The following PCDHA5 variants were observed in gnomAD, a reference collection of about 807,000 sequenced individuals.
PCDHA5 encodes protocadherin alpha 5.
Under a neutral mutation model 61.6 loss-of-function variants are expected in PCDHA5, and 43 were observed. The observed-to-expected ratio is 0.70, with a 90% CI of 0.55 to 0.90. The LOEUF (loss-of-function observed/expected upper bound fraction) is 0.90, where lower values mean the gene tolerates loss of function less well. Among genes scored for constraint, PCDHA5 ranks in the 40% least tolerant of loss-of-function variants. The pLI, the probability that PCDHA5 is intolerant of heterozygous loss-of-function variation, is 0.00. For missense variants in PCDHA5, 1,298 were observed against 1,222.7 expected (o/e 1.06, Z -0.92); for synonymous variants, 627 against 543.9 (o/e 1.15, Z -2.13).
chr5:141,009,736 G>T lies in PCDHA5; in HGVS notation c.2610G>T (p.Leu870Phe). 1 of 1,614,086 alleles carries T rather than the reference G, an allele frequency of 6.2e-7. No homozygotes were observed. Among genetic ancestry groups the T allele is most frequent in the East Asian group, 2.2e-5 (1 of 44,872 alleles). Residue 870 changes from leucine to phenylalanine, a missense_variant, in exon 4 of 4, where the codon TTG becomes TTT. Leu to Phe is a conservative substitution (Grantham distance 22). Transcript: ENST00000529859. ...GNPKQSGPGE[L>F]PDKFIIPGSP... ...CCAAACAATCCGGTCCCGGTGAGTT[G>T]CCCGACAAATTCATTATCCCAGGAT...
chr5:140,966,426 C>T, intron 1 of PCDHA5: 1 of 421,820 alleles, frequency 2.4e-6, no homozygotes. Flanking sequence ...ACTTGCTGAG[C>T]CCTCCTACCG....
chr5:140,872,711 G>A (rs968537483), intron 1 of PCDHA5, among the ~76,000 whole-genome samples: 1 of 152,206 alleles, frequency 6.6e-6, no homozygotes, highest in South Asian at 2.1e-4. Context: ...AAGGAAACTA[G>A]GTAAATAAAA....
intron 1 of PCDHA5, chr5:140,856,729 G>T: frequency 1.3e-6 from 2 of 1,595,560 alleles, no homozygotes; most frequent in East Asian, 2.2e-5. Flanking sequence ...CTGTTTCTCT[G>T]CTGATCCTGG....
chr5:140,883,406 G>A, intron 1 of PCDHA5: 2 of 1,614,156 alleles, frequency 1.2e-6, no homozygotes, highest in South Asian at 2.2e-5. Context: ...TCGTGACTCT[G>A]GCTCAAATGG....
chr5:140,834,516 G>A (rs1433865569), intron 1 of PCDHA5: 5 of 1,613,992 alleles, frequency 3.1e-6, no homozygotes, highest in African/African-American at 2.7e-5. Flanking sequence ...TGGCAACTTC[G>A]TGGGCCGCAT....
At chr5:140,905,360 T>C (rs2071771480) in intron 1 of PCDHA5, among the ~76,000 whole-genome samples, 2 of 152,238 alleles carry the variant, frequency 1.3e-5, no homozygotes, top group Non-Finnish European at 2.9e-5. Context: ...TTTGACTATA[T>C]TTCTGGTTCT....
chr5:140,829,881 T>C, intron 1 of PCDHA5: 1 of 1,613,934 alleles, frequency 6.2e-7, no homozygotes, highest in Non-Finnish European at 8.5e-7. Flanking sequence ...GTGCGCGCAG[T>C]TGACGCCGAC....
In PCDHA5 at chr5:140,857,691, T is replaced by A. The variant is rs189067845; in HGVS notation, c.2352+33564T>A. ...GGCGTGCCGCCTCTGGGCAGCAACTTGACGCTGCAGGTGTTCGTGCTGGAC... is the reference window on the plus strand; with the variant it reads ...GGCGTGCCGCCTCTGGGCAGCAACTAGACGCTGCAGGTGTTCGTGCTGGAC... On this transcript the variant is annotated intron_variant, in intron 1 of 3. Coordinates refer to ENST00000529859, the MANE Select transcript of PCDHA5 (RefSeq NM_018908.3). 1.9e-6 allele frequency: 3 copies of A among 1,597,120 alleles called. 1 individual carries two copies. The highest frequency in any genetic ancestry group is 2.6e-6 in the Non-Finnish European group (3 of 1,167,726).
chr5:140,834,465 A>G, intron 1 of PCDHA5: 1 of 1,614,150 alleles, frequency 6.2e-7, no homozygotes, highest in Non-Finnish European at 8.5e-7. Context: ...GGAGGCAGGG[A>G]GAGGCCAGCT....
chr5:140,876,953 T>G (rs1455444799), intron 1 of PCDHA5: 6 of 1,613,306 alleles, frequency 3.7e-6, no homozygotes, highest in African/African-American at 1.3e-5. Flanking sequence ...TCCTACTCGC[T>G]GGTGGAGCGG....
At position 140,882,350 on chromosome 5, in the gene PCDHA5, A is replaced by G. The variant is rs782733540; in HGVS notation, c.2352+58223A>G. ...GATCCTCGCAGCCTGGGAGACGGGT[A>G]GTGGCCAGCTCCACTACTCCGTCCC... is the stretch of plus-strand genomic sequence containing the variant. On this transcript the variant is annotated intron_variant, in intron 1 of 3. Transcript: ENST00000529859. The G allele has an allele frequency of 1.9e-6, 3 of 1,614,176 alleles. No individual in the cohort carries two copies. In the Admixed American group the frequency reaches 5.0e-5, roughly 27 times the overall value.
chr5:140,997,698 A>G (rs1587762890), intron 3 of PCDHA5, among the ~76,000 whole-genome samples: 4 of 145,560 alleles, frequency 2.7e-5, no homozygotes, highest in South Asian at 2.2e-4. Context: ...GTGTGTGTGT[A>G]TGTTAACAAA....
At chr5:140,841,928 G>A in intron 1 of PCDHA5, 2 of 1,613,910 alleles carry the variant, frequency 1.2e-6, no homozygotes, top group Admixed American at 1.7e-5. Context: ...CTTGGACAGA[G>A]AGGACGCTCC....
In PCDHA5 at chr5:140,969,065, A is replaced by G. The variant is rs1554231418; in HGVS notation, c.2353-9884A>G. 4.3e-6 allele frequency: 7 copies of G among 1,614,188 alleles called. No individual in the cohort carries two copies. The East Asian group carries it at 1.6e-4, about 36-fold the overall frequency. On this transcript the variant is annotated intron_variant, in intron 1 of 3. Coordinates refer to ENST00000529859, the MANE Select transcript of PCDHA5 (RefSeq NM_018908.3). ...ACAAGCCAACAACAATATTGATGCC[A>G]GGATACCGCATGGCCTCAAAGTGCA...
chr5:140,927,049 C>T (rs1554203972), intron 1 of PCDHA5: 5 of 1,611,932 alleles, frequency 3.1e-6, no homozygotes, highest in Non-Finnish European at 4.2e-6. Context: ...TATGTCCTCG[C>T]GGAACTTTCG....
At chr5:140,909,582 T>G (rs1407869706) in intron 1 of PCDHA5, among the ~76,000 whole-genome samples, 1 of 152,298 alleles carries the variant, frequency 6.6e-6, no homozygotes, top group Non-Finnish European at 1.5e-5. Flanking sequence ...TGTGATATGT[T>G]TTTTGATTTA....
intron 1 of PCDHA5, among the ~76,000 whole-genome samples, chr5:140,972,728 A>T (rs189687890): frequency 6.8e-6 from 1 of 147,854 alleles, no homozygotes; most frequent in East Asian, 2.0e-4. Context: ...CAGTGGCGTA[A>T]TCCCGGCTCA....
At chr5:140,891,034 G>A (rs1377509789) in intron 1 of PCDHA5, among the ~76,000 whole-genome samples, 1 of 151,488 alleles carries the variant, frequency 6.6e-6, no homozygotes, top group Non-Finnish European at 1.5e-5. Context: ...ATAATCTTAG[G>A]TGTGACCCCC....
intron 3 of PCDHA5, among the ~76,000 whole-genome samples, chr5:140,986,987 G>A (rs1269328331): frequency 2.6e-5 from 4 of 152,114 alleles, no homozygotes; most frequent in Non-Finnish European, 4.4e-5. Flanking sequence ...GCCAAGGCAG[G>A]CAGATCACTT....
Sources: allele counts gnomAD v4.1 joint callset (sites outside exome capture counted in the v4.1 genomes callset), GRCh38; gene constraint gnomAD v4.1.1; transcripts MANE v1.5; gene names NCBI Gene and HGNC (gene_info 2026-07-23, HGNC 2026-07-21).